Variants in C16orf87 observed in about 807,000 individuals in gnomAD.
The protein encoded by C16orf87 is HDAC and MIER1 interacting protein 1.
C16orf87 carries 13 observed loss-of-function variants against 21.0 expected under a neutral mutation model. The observed-to-expected ratio is 0.62, with a 90% CI of 0.40 to 0.98. The LOEUF is 0.98. C16orf87 is among the 50% of genes least tolerant of loss of function. C16orf87 has a pLI of 0.00. For synonymous variants in C16orf87, 49 were observed against 60.2 expected (o/e 0.81, Z 0.86); for missense variants, 113 against 180.4 (o/e 0.63, Z 2.14).
intron 2 of C16orf87, among the ~76,000 whole-genome samples, chr16:46,824,013 A>G (rs906988524): frequency 8.5e-5 from 13 of 152,234 alleles, no homozygotes; most frequent in African/African-American, 3.1e-4. Flanking sequence ...GTATATACAT[A>G]TGTCAAAACT....
chr16:46,830,776 G>A, intron 1 of C16orf87: 1 of 268,310 alleles, frequency 3.7e-6, no homozygotes, highest in East Asian at 6.5e-5. Flanking sequence ...CGCCGGCGAG[G>A]AGAGTCTGGG....
intron 2 of C16orf87, among the ~76,000 whole-genome samples, chr16:46,813,218 A>G (rs1968147816): frequency 6.6e-6 from 1 of 152,166 alleles, no homozygotes; most frequent in Admixed American, 6.5e-5. Context: ...GGCATTTCAA[A>G]TTGTATCAAA....
chr16:46,804,974 CAATA>C (rs1386060781), intron 3 of C16orf87, among the ~76,000 whole-genome samples: 2 of 152,130 alleles, frequency 1.3e-5, no homozygotes, highest in African/African-American at 4.8e-5. Flanking sequence ...GTATTAGTTC[CAATA>C]TCATTTTGCT....
At chr16:46,830,264 CAGACAGAGAG>C (rs1484245533) in intron 1 of C16orf87, among the ~76,000 whole-genome samples, 2 of 41,132 alleles carry the variant, frequency 4.9e-5, no homozygotes, top group African/African-American at 7.8e-5. Flanking sequence ...TAGAGAGAGA[CAGACAGAGAG>C]AGAGAGAGAG....
chr16:46,808,740 A>G (rs1158183615), intron 3 of C16orf87, among the ~76,000 whole-genome samples: 1 of 152,194 alleles, frequency 6.6e-6, no homozygotes, highest in Non-Finnish European at 1.5e-5. Flanking sequence ...AAAAAGATGC[A>G]TAAATCAAAG....
chr16:46,802,290 G>A lies in C16orf87; in HGVS notation c.*662C>T, dbSNP rs1454792770. ...AAGAAAACAAGGTGTTTATATCTGAGTATATCATTAAATGTTTTTCTTCAT... is the reference window on the plus strand; with the variant it reads ...AAGAAAACAAGGTGTTTATATCTGAATATATCATTAAATGTTTTTCTTCAT... On this transcript the variant is annotated 3_prime_UTR_variant, in exon 4 of 4. Transcript: ENST00000285697. 6.6e-6 allele frequency: 1 copy of A among 151,258 alleles called. No homozygotes were observed. Among genetic ancestry groups the A allele is most frequent in the Non-Finnish European group, 1.5e-5 (1 of 67,820 alleles). 9.4% of individuals were successfully genotyped at this position (151,258 alleles called of 1,614,324 possible). A position where few individuals can be genotyped will look rare whatever the true frequency, so the allele number is the denominator to read the frequency against.
At chr16:46,826,483 CTT>C (rs1179352766) in intron 1 of C16orf87, among the ~76,000 whole-genome samples, 2 of 152,170 alleles carry the variant, frequency 1.3e-5, no homozygotes, top group African/African-American at 4.8e-5. Flanking sequence ...AATCTAAACA[CTT>C]GATCTAATTG....
intron 3 of C16orf87, among the ~76,000 whole-genome samples, chr16:46,803,344 CA>C (rs1967832193): frequency 6.6e-6 from 1 of 152,190 alleles, no homozygotes. Context: ...TCTATCTCCT[CA>C]CTGTCTCAAT....
rs1433954210 is a variant in C16orf87 at position 46,801,456 on chromosome 16, G to T, written c.*1496C>A. The T allele has an allele frequency of 6.6e-6, 1 of 152,292 alleles. No individual in the cohort carries two copies. Among genetic ancestry groups the T allele is most frequent in the Non-Finnish European group, 1.5e-5 (1 of 68,120 alleles). 9.4% of individuals were successfully genotyped at this position (152,292 alleles called of 1,614,324 possible). On this transcript the variant is annotated 3_prime_UTR_variant, in exon 4 of 4. Coordinates refer to ENST00000285697, the MANE Select transcript of C16orf87 (RefSeq NM_001001436.4). ...AATCACTTGAACCCAGGAGGCAGAG[G>T]TTGCAGTGAGCTGAGACAGTGCCAC...
chr16:46,802,686 G>C lies in C16orf87; in HGVS notation c.*266C>G, dbSNP rs375842624. 1.2e-5 allele frequency: 3 copies of C among 255,690 alleles called. No individual in the cohort carries two copies. Among genetic ancestry groups the C allele is most frequent in the African/African-American group, 6.7e-5 (3 of 44,660 alleles). 15.8% of individuals were successfully genotyped at this position (255,690 alleles called of 1,614,324 possible). A position where few individuals can be genotyped will look rare whatever the true frequency, so the allele number is the denominator to read the frequency against. ...TAACATCCATCCAGCATTTTTGTTG[G>C]TTTTTTTTTGTTGTTGGCAAATACA... On this transcript the variant is annotated 3_prime_UTR_variant, in exon 4 of 4. Coordinates refer to ENST00000285697, the MANE Select transcript of C16orf87 (RefSeq NM_001001436.4).
intron 2 of C16orf87, among the ~76,000 whole-genome samples, chr16:46,810,097 C>CTTCCTGTTT (rs1968040298): frequency 6.6e-6 from 1 of 152,176 alleles, no homozygotes; most frequent in Non-Finnish European, 1.5e-5. Flanking sequence ...CTGCCTTTTT[C>CTTCCTGTTT]TTCCTGTTTC....
At chr16:46,807,504 CT>C (rs1156921438) in intron 3 of C16orf87, among the ~76,000 whole-genome samples, 1 of 151,972 alleles carries the variant, frequency 6.6e-6, no homozygotes, top group Non-Finnish European at 1.5e-5. Flanking sequence ...CCACCACCTG[CT>C]TTATAAAGTA....
chr16:46,805,615 C>T (rs896845163), intron 3 of C16orf87, among the ~76,000 whole-genome samples: 1 of 152,138 alleles, frequency 6.6e-6, no homozygotes, highest in African/African-American at 2.4e-5. Context: ...GCCTTTCATA[C>T]TATAATAGAT....
chr16:46,818,027 T>G (rs1291297716), intron 2 of C16orf87, among the ~76,000 whole-genome samples: 1 of 151,808 alleles, frequency 6.6e-6, no homozygotes, highest in African/African-American at 2.4e-5. Context: ...AGATGCTTCC[T>G]TTTCTTTTTT....
chr16:46,811,928 G>C (rs993452768), intron 2 of C16orf87, among the ~76,000 whole-genome samples: 5 of 152,104 alleles, frequency 3.3e-5, no homozygotes, highest in Non-Finnish European at 7.4e-5. Flanking sequence ...GTCTCAGCCT[G>C]GGTGACAAAG....
intron 1 of C16orf87, chr16:46,830,739 C>T: frequency 4.6e-6 from 1 of 216,642 alleles, no homozygotes; most frequent in Non-Finnish European, 9.1e-6. Context: ...GGGGCTGCGG[C>T]CCGCAGGCTC....
chr16:46,828,947 T>C (rs1343446816), intron 1 of C16orf87, among the ~76,000 whole-genome samples: 1 of 152,196 alleles, frequency 6.6e-6, no homozygotes, highest in African/African-American at 2.4e-5. Context: ...CTTAAGTATT[T>C]GGAATAAAGG....
At chr16:46,825,037 T>C (rs1283540248) in intron 1 of C16orf87, among the ~76,000 whole-genome samples, 1 of 152,062 alleles carries the variant, frequency 6.6e-6, no homozygotes, top group Non-Finnish European at 1.5e-5. Context: ...AAAATAAATA[T>C]GTATTAAATA....
At chr16:46,819,809 T>C (rs1959340168) in intron 2 of C16orf87, among the ~76,000 whole-genome samples, 1 of 151,778 alleles carries the variant, frequency 6.6e-6, no homozygotes, top group Non-Finnish European at 1.5e-5. Flanking sequence ...ACCCCACCTC[T>C]ACTAAAAATA....
Sources: allele counts gnomAD v4.1 joint callset (sites outside exome capture counted in the v4.1 genomes callset), GRCh38; gene constraint gnomAD v4.1.1; transcripts MANE v1.5; gene names NCBI Gene and HGNC (gene_info 2026-07-23, HGNC 2026-07-21).